Variants in ATRNL1 observed in about 807,000 individuals in gnomAD.
ATRNL1 encodes attractin-like protein 1.
Under a neutral mutation model 182.7 loss-of-function variants are expected in ATRNL1, and 95 were observed. The observed-to-expected ratio is 0.52, with a 90% confidence interval of 0.44 to 0.62. ATRNL1 has a LOEUF of 0.62. Ranked by LOEUF, ATRNL1 falls within the 20% of genes least tolerant of loss-of-function variation. The probability of loss-of-function intolerance (pLI) is 0.00; values close to 1 mark genes in which losing one functional copy is unlikely to be tolerated. For synonymous variants in ATRNL1, 576 were observed against 568.3 expected (o/e 1.01, Z -0.19); for missense variants, 1,471 against 1,679.5 (o/e 0.88, Z 2.17).
At chr10:115,450,499 G>A (rs1592676847) in intron 21 of ATRNL1, among the ~76,000 whole-genome samples, 1 of 152,246 alleles carries the variant, frequency 6.6e-6, no homozygotes, top group East Asian at 1.9e-4. Context: ...TAGCCAAGCT[G>A]AAAGCCAAAT....
chr10:115,512,611 A>G (rs1256660070), intron 24 of ATRNL1, among the ~76,000 whole-genome samples: 1 of 151,828 alleles, frequency 6.6e-6, no homozygotes, highest in Admixed American at 6.6e-5. Flanking sequence ...TCTACCAACT[A>G]CTGTTCTAGT....
At chr10:115,460,296 T>G (rs1356840974) in intron 21 of ATRNL1, among the ~76,000 whole-genome samples, 2 of 152,104 alleles carry the variant, frequency 1.3e-5, no homozygotes, top group African/African-American at 4.8e-5. Flanking sequence ...TTCAATAAAT[T>G]TCTCTAACTT....
intron 19 of ATRNL1, among the ~76,000 whole-genome samples, chr10:115,386,771 G>A (rs1858377808): frequency 6.7e-6 from 1 of 149,080 alleles, no homozygotes; most frequent in Non-Finnish European, 1.5e-5. Flanking sequence ...CCATTAACTC[G>A]TCATTTAGCA....
intron 11 of ATRNL1, among the ~76,000 whole-genome samples, chr10:115,266,305 C>T (rs2133882698): frequency 6.6e-6 from 1 of 151,590 alleles, no homozygotes; most frequent in East Asian, 1.9e-4. Flanking sequence ...AATGAAACAC[C>T]ATAAGAAGAA....
At chr10:115,197,291 A>C (rs1326511998) in intron 8 of ATRNL1, among the ~76,000 whole-genome samples, 1 of 151,988 alleles carries the variant, frequency 6.6e-6, no homozygotes, top group Non-Finnish European at 1.5e-5. Context: ...AATCTTAAAG[A>C]CTTCTATGTC....
rs555798746 is a variant in ATRNL1 at position 115,584,586 on chromosome 10, G to A, written c.3795+35050G>A. The stretch of plus-strand genomic sequence containing the variant: ...TGGTAGTTTGTATTTCTCTGGGATC[G>A]GTGGTGATATCTCCTTTATCATTTT... On this transcript the variant is annotated intron_variant, in intron 26 of 28. Transcript: ENST00000355044. Among the ~76,000 whole-genome samples the A allele has an allele frequency of 2.3e-3, 327 of 142,974 alleles. 2 individuals carry two copies. The highest frequency in any genetic ancestry group is 7.5e-3 in the African/African-American group (299 of 40,010). 93.8% of individuals were successfully genotyped at this position (142,974 alleles called of 152,430 possible). A position where few individuals can be genotyped will look rare whatever the true frequency, so the allele number is the denominator to read the frequency against.
Position 115,093,437 on chromosome 10 carries a change from G to T in ATRNL1, c.-314G>T. ...CCTCCTGCCGGTCAGGTCCCCTCAG[G>T]AGCGCCGGGCGCAGTCTGCGCCTCC... On this transcript the variant is annotated 5_prime_UTR_variant, in exon 1 of 29. Transcript: ENST00000355044. The surrounding 1 kb of genome is among the most constrained non-coding windows in gnomAD (Gnocchi z 6.1). The T allele has an allele frequency of 2.1e-6, 1 of 467,884 alleles. No homozygotes were observed. Among genetic ancestry groups the T allele is most frequent in the Non-Finnish European group, 3.9e-6 (1 of 258,108 alleles). The allele number at this position is 467,884 out of a possible 1,614,324, so 29.0% of individuals were successfully genotyped here. A position where few individuals can be genotyped will look rare whatever the true frequency, so the allele number is the denominator to read the frequency against.
In ATRNL1 at chr10:115,120,187, T is replaced by A; in HGVS notation, c.296T>A (p.Leu99Ter). 1 of 1,508,482 alleles carries A rather than the reference T, an allele frequency of 6.6e-7. No individual in the cohort carries two copies. Among genetic ancestry groups the A allele is most frequent in the Non-Finnish European group, 9.2e-7 (1 of 1,089,864 alleles). The allele number at this position is 1,508,482 out of a possible 1,614,324, so 93.4% of individuals were successfully genotyped here. A position where few individuals can be genotyped will look rare whatever the true frequency, so the allele number is the denominator to read the frequency against. ...CATTATTTTATTTTCTCTTCCAGGT[T>A]AACAGAACCTTCTGGATATTTAACA... ...QCQHCQGRFKLTEPSGYLTDG... is the reference protein window; with the variant it reads ...QCQHCQGRFK Residue 99 changes from leucine to a stop codon, truncating the protein, a stop_gained and splice_region_variant, in exon 2 of 29, where the codon TTA becomes TAA. Coordinates refer to ENST00000355044, the MANE Select transcript of ATRNL1 (RefSeq NM_207303.4). LOFTEE classifies it high-confidence loss of function.
chr10:115,378,661 A>T (rs1300738698), intron 19 of ATRNL1, among the ~76,000 whole-genome samples: 2 of 152,156 alleles, frequency 1.3e-5, no homozygotes, highest in African/African-American at 4.8e-5. Context: ...CCTGTTCAGG[A>T]TCTGCTTTGG....
In ATRNL1 at chr10:115,572,652, G is replaced by A. The variant is rs560746667; in HGVS notation, c.3795+23116G>A. 2.0e-5 allele frequency among the ~76,000 whole-genome samples: 3 copies of A among 152,314 alleles called. 1 individual carries two copies. The highest frequency in any genetic ancestry group is 4.1e-4 in the South Asian group (2 of 4,828). ...TAGCAGTTGGACATAAAGACATTTG[G>A]ATATACAAGTCTGAGATTCCAGAGA... On this transcript the variant is annotated intron_variant, in intron 26 of 28. Coordinates refer to ENST00000355044, the MANE Select transcript of ATRNL1 (RefSeq NM_207303.4).
chr10:115,119,115 G>A (rs1554870769), intron 1 of ATRNL1, among the ~76,000 whole-genome samples: 1 of 152,036 alleles, frequency 6.6e-6, no homozygotes, highest in Non-Finnish European at 1.5e-5. Context: ...TGAGAATATA[G>A]GAATTTGTTG....
At chr10:115,932,270 A>C (rs1953423056) in intron 28 of ATRNL1, among the ~76,000 whole-genome samples, 1 of 152,226 alleles carries the variant, frequency 6.6e-6, no homozygotes, top group Admixed American at 6.5e-5. Flanking sequence ...ACTGGAGAGA[A>C]TGTGTACTAT....
rs1554862323 is a variant in ATRNL1, at chr10:115,093,834, C to G, written c.84C>G (p.Gly28=). ...GGAGGGCTCGGCCGGCGGGCGGCGG[C>G]GGCGGGGGCGCCTCCTCCTGGCTGC... ...GVWRARPAGG[G]GGGASSWLLD... Residue 28 remains glycine, a synonymous_variant, in exon 1 of 29, where the codon GGC becomes GGG. Transcript: ENST00000355044. This position sits in a 1 kb window ranked among gnomAD's most constrained non-coding sequence, Gnocchi z 6.1. 4 of 1,511,872 alleles carry G rather than the reference C, an allele frequency of 2.6e-6. No homozygotes were observed. Among genetic ancestry groups the G allele is most frequent in the Non-Finnish European group, 2.6e-6 (3 of 1,133,462 alleles). 93.7% of individuals were successfully genotyped at this position (1,511,872 alleles called of 1,614,324 possible).
chr10:115,709,573 A>G (rs546934330), intron 26 of ATRNL1, among the ~76,000 whole-genome samples: 12 of 152,044 alleles, frequency 7.9e-5, no homozygotes, highest in African/African-American at 2.2e-4. Context: ...GAGATGAGAA[A>G]ATGTGAGAGA....
chr10:115,152,996 T>C (rs1554881077), intron 5 of ATRNL1, among the ~76,000 whole-genome samples: 2 of 152,144 alleles, frequency 1.3e-5, no homozygotes, highest in African/African-American at 4.8e-5. Flanking sequence ...TGTCTTTGGT[T>C]CTGTTTATAT....
chr10:115,848,387 C>T (rs1950978886), intron 28 of ATRNL1, among the ~76,000 whole-genome samples: 1 of 152,052 alleles, frequency 6.6e-6, no homozygotes, highest in Admixed American at 6.6e-5. Flanking sequence ...TAGAAATTTG[C>T]TTTGTGAATG....
chr10:115,159,195 TAAAAG>T (rs1846662650), intron 5 of ATRNL1, among the ~76,000 whole-genome samples: 2 of 151,524 alleles, frequency 1.3e-5, no homozygotes, highest in Non-Finnish European at 3.0e-5. Flanking sequence ...TTTATGCTTA[TAAAAG>T]AAATTTAAAC....
At chr10:115,544,174 A>T (rs933031115) in intron 25 of ATRNL1, among the ~76,000 whole-genome samples, 5 of 152,152 alleles carry the variant, frequency 3.3e-5, no homozygotes, top group Non-Finnish European at 7.4e-5. Flanking sequence ...GTGTTCAATG[A>T]TACCCATTAA....
Position 115,912,153 on chromosome 10 carries a change from C to T in ATRNL1, c.4019-32505C>T, listed in dbSNP as rs559778843. ...ATCAATAATGAAGATACAACAAGGCCACCAAAGCAAGGGGGAAATCCAGGG... is the reference window on the plus strand; with the variant it reads ...ATCAATAATGAAGATACAACAAGGCTACCAAAGCAAGGGGGAAATCCAGGG... On this transcript the variant is annotated intron_variant, in intron 28 of 28. Transcript: ENST00000355044. Among the ~76,000 whole-genome samples, 27 of 152,056 alleles carry T rather than the reference C, an allele frequency of 1.8e-4. No individual in the cohort carries two copies. The South Asian group carries it at 1.9e-3, about 11-fold the overall frequency.
Sources: gnomAD v4.1 joint callset for allele counts (sites outside exome capture counted in the v4.1 genomes callset) on GRCh38, gnomAD v4.1.1 for gene constraint, Gnocchi (gnomAD v3.1) non-coding constraint, MANE v1.5 for transcripts, NCBI Gene and HGNC (gene_info 2026-07-23, HGNC 2026-07-21) for gene names.